Variants in HOMER3 observed in about 807,000 individuals in gnomAD.
The protein encoded by HOMER3 is homer protein homolog 3.
HOMER3 carries 34 observed loss-of-function variants against 45.5 expected under a neutral mutation model. The ratio of observed to expected loss-of-function variants is 0.75; its 90% CI spans 0.57 to 1.00. HOMER3 has a LOEUF of 1.00. HOMER3 is among the 50% of genes least tolerant of loss of function. HOMER3 has a pLI of 0.00. For missense variants in HOMER3, 480 were observed against 497.5 expected, an observed-to-expected ratio of 0.96 and a Z score of 0.33; for synonymous variants, 223 against 208.8, an observed-to-expected ratio of 1.07 and a Z score of -0.58.
rs768589426 is a variant in HOMER3 at position 18,931,317 on chromosome 19, A to C, written c.894+8T>G. ...ACCGTCACCCCACCTCCTTGTGCCC[A>C]CACACACCTGCACCTTCTGCTGAGT... On this transcript the variant is annotated splice_region_variant and intron_variant, in intron 9 of 9. Transcript: ENST00000392351. 2.5e-6 allele frequency: 4 copies of C among 1,612,820 alleles called. No individual in the cohort carries two copies. In the African/African-American group the frequency reaches 4.0e-5, roughly 16 times the overall value.
chr19:18,939,155 C>G (rs916269041), intron 1 of HOMER3, 106 bp from the exon 2 acceptor site: 3 of 636,238 alleles, frequency 4.7e-6, no homozygotes, highest in Non-Finnish European at 5.2e-6. Flanking sequence ...ATGGAACTTT[C>G]AATCAAAAAG....
chr19:18,929,809 T>TTTTG (rs200859659), intron 9 of HOMER3, among the ~76,000 whole-genome samples, 175 bp from the exon 10 acceptor site: 9 of 152,164 alleles, frequency 5.9e-5, no homozygotes, highest in East Asian at 3.9e-4. Flanking sequence ...CCCTCATTTC[T>TTTTG]TTTGTTTGTT....
At chr19:18,933,266 C>T (rs2057058317) in intron 5 of HOMER3, among the ~76,000 whole-genome samples, 1 of 151,768 alleles carries the variant, frequency 6.6e-6, no homozygotes, top group South Asian at 2.1e-4. Context: ...ACCTTGCCTT[C>T]CTGGGCTTTC....
rs1200447277 is a variant in HOMER3 at position 18,929,930 on chromosome 19, C to T, written c.895-296G>A. The stretch of plus-strand genomic sequence containing the variant: ...CCAGGTTCAAGCAATTCTCCTGCCT[C>T]AGCCTCCCAAGTAGCTGGGATTACA... On this transcript the variant is annotated intron_variant, in intron 9 of 9. Transcript: ENST00000392351. Among the ~76,000 whole-genome samples the T allele has an allele frequency of 2.0e-5, 3 of 152,014 alleles. No individual in the cohort carries two copies. The South Asian group carries it at 6.2e-4, about 32-fold the overall frequency.
intron 4 of HOMER3, 89 bp from the exon 5 acceptor site, chr19:18,934,499 G>T: frequency 1.5e-6 from 1 of 669,664 alleles, no homozygotes; most frequent in Non-Finnish European, 2.4e-6. Context: ...CGCCACTTTC[G>T]AACCGTACCC....
In HOMER3 at chr19:18,938,889, G is replaced by T. The variant is rs774707487; in HGVS notation, c.15-5C>A. 1 of 1,604,878 alleles carries T rather than the reference G, an allele frequency of 6.2e-7. No homozygotes were observed. On this transcript the variant is annotated splice_polypyrimidine_tract_variant and splice_region_variant and intron_variant, in intron 2 of 9. Transcript: ENST00000392351. Reference sequence around the variant, plus strand: ...GTGCTGAAGATTGGCTGCTCCCTGCGTGGGGAGAGGGTGTTTGGTGGGGGC... The same window carrying T: ...GTGCTGAAGATTGGCTGCTCCCTGCTTGGGGAGAGGGTGTTTGGTGGGGGC...
intron 7 of HOMER3, 46 bp from the exon 8 acceptor site, chr19:18,931,671 C>G: frequency 6.5e-7 from 1 of 1,543,192 alleles, no homozygotes; most frequent in Non-Finnish European, 8.7e-7. Context: ...CCTGCACTCT[C>G]CCTTGCTCGC....
At chr19:18,932,895 C>T in intron 6 of HOMER3, 29 bp downstream of exon 6, 1 of 1,263,468 alleles carries the variant, frequency 7.9e-7, no homozygotes, top group African/African-American at 1.6e-5. Context: ...ACCCCCGCCC[C>T]TGCCACGCCC....
At chr19:18,932,329 G>C (rs2057044358) in intron 6 of HOMER3, among the ~76,000 whole-genome samples, 197 bp from the exon 7 acceptor site, 1 of 136,404 alleles carries the variant, frequency 7.3e-6, no homozygotes, top group East Asian at 2.5e-4. Flanking sequence ...GCTGGGGGCG[G>C]AGTCAGCGGC....
Position 18,932,952 on chromosome 19 carries a change from C to T in HOMER3, c.505G>A (p.Glu169Lys). 1 of 1,438,448 alleles carries T rather than the reference C, an allele frequency of 7.0e-7. No homozygotes were observed. Among genetic ancestry groups the T allele is most frequent in the Non-Finnish European group, 9.1e-7 (1 of 1,093,008 alleles). The allele number at this position is 1,438,448 out of a possible 1,614,324, so 89.1% of individuals were successfully genotyped here. A position where few individuals can be genotyped will look rare whatever the true frequency, so the allele number is the denominator to read the frequency against. ...TCAGACAACATCTTCTTTAGCCGCT[C>T]GCGCTCTGTGGGGCCGGGGGCATCA... ...SADAPGPTER[E>K]RLKKMLSEGS... The change falls in exon 6 of 10, where the codon GAG (glutamate) becomes AAG (lysine). Residue 169 changes from glutamate (E) to lysine (K), a missense_variant. By Grantham distance (56) the Glu-to-Lys change is moderately conservative. Coordinates refer to ENST00000392351, the MANE Select transcript of HOMER3 (RefSeq NM_004838.4).
At chr19:18,933,182 G>A in intron 5 of HOMER3, 137 bp from the exon 6 acceptor site, 2 of 1,149,992 alleles carry the variant, frequency 1.7e-6, no homozygotes, top group Non-Finnish European at 2.3e-6. Context: ...ATCCAAGTGT[G>A]TCCCTCCCCA....
At position 18,933,055 on chromosome 19, in the gene HOMER3, G is replaced by T; in HGVS notation, c.412-10C>A. 1 of 1,488,830 alleles carries T rather than the reference G, an allele frequency of 6.7e-7. No individual in the cohort carries two copies. Among genetic ancestry groups the T allele is most frequent in the Non-Finnish European group, 8.9e-7 (1 of 1,124,274 alleles). 92.2% of individuals were successfully genotyped at this position (1,488,830 alleles called of 1,614,324 possible). On this transcript the variant is annotated splice_polypyrimidine_tract_variant and intron_variant, in intron 5 of 9. Transcript: ENST00000392351. ...GAGGGCTCGGGGGCACCTAGGCACG[G>T]GGAAAAGAATAGGTCACGACCCCAC... is the stretch of plus-strand genomic sequence containing the variant.
At position 18,929,488 on chromosome 19, in the gene HOMER3, A is replaced by G. The variant is rs756973685; in HGVS notation, c.1041T>C (p.Ser347=). ...QLLDVSLFEL[S]ELREGLARLA... ...GGCGGGCCAGGCCCTCACGCAGCTCACTCAGCTCAAACAGGCTGACGTCCA... is the reference window on the plus strand; with the variant it reads ...GGCGGGCCAGGCCCTCACGCAGCTCGCTCAGCTCAAACAGGCTGACGTCCA... The change falls in exon 10 of 10, where the codon AGT becomes AGC. Residue 347 remains serine (S), a synonymous_variant. Transcript: ENST00000392351. 14 of 1,598,102 alleles carry G rather than the reference A, an allele frequency of 8.8e-6. No individual in the cohort carries two copies. Among genetic ancestry groups the G allele is most frequent in the Admixed American group, 5.1e-5 (3 of 58,624 alleles).
At position 18,930,732 on chromosome 19, in the gene HOMER3, G is replaced by A. The variant is rs546340565; in HGVS notation, c.894+593C>T. 7.3e-5 allele frequency among the ~76,000 whole-genome samples: 11 copies of A among 151,576 alleles called. No homozygotes were observed. The East Asian group carries it at 1.2e-3, about 16-fold the overall frequency. ...TCTACTAAAAACACAAAAAATGCCC[G>A]GGCACGGTGGCGCATGTCTGTAATC... On this transcript the variant is annotated intron_variant, in intron 9 of 9. Coordinates refer to ENST00000392351, the MANE Select transcript of HOMER3 (RefSeq NM_004838.4).
chr19:18,933,108 TG>T, intron 5 of HOMER3, 63 bp from the exon 6 acceptor site: 1 of 1,408,856 alleles, frequency 7.1e-7, no homozygotes, highest in Non-Finnish European at 9.3e-7. Flanking sequence ...CTGATGTGAC[TG>T]GGGTCGTCAC....
intron 4 of HOMER3, 93 bp from the exon 5 acceptor site, chr19:18,934,503 C>A: frequency 1.6e-6 from 1 of 632,512 alleles, no homozygotes; most frequent in South Asian, 2.5e-5. Flanking sequence ...ACTTTCGAAC[C>A]GTACCCATCC....
intron 9 of HOMER3, 70 bp from the exon 10 acceptor site, chr19:18,929,704 C>A: frequency 7.7e-7 from 1 of 1,302,544 alleles, no homozygotes; most frequent in South Asian, 1.5e-5. Context: ...CATCCAGAGT[C>A]TGACCACCTT....
chr19:18,932,936 ATCT>A lies in HOMER3; in HGVS notation c.518_520del (p.Lys173del), dbSNP rs777515085. The A allele has an allele frequency of 2.1e-5, 30 of 1,399,664 alleles. No individual in the cohort carries two copies. The highest frequency in any genetic ancestry group is 2.8e-5 in the Non-Finnish European group (30 of 1,070,912). 86.7% of individuals were successfully genotyped at this position (1,399,664 alleles called of 1,614,324 possible). A position where few individuals can be genotyped will look rare whatever the true frequency, so the allele number is the denominator to read the frequency against. Reference sequence around the variant, plus strand: ...TCCCGCCCCTCACCCCTCAGACAACATCTTCTTTAGCCGCTCGCGCTCTGTGGG... The same window carrying A: ...TCCCGCCCCTCACCCCTCAGACAACATCTTTAGCCGCTCGCGCTCTGTGGG... On this transcript the variant is annotated inframe_deletion, in exon 6 of 10. Coordinates refer to ENST00000392351, the MANE Select transcript of HOMER3 (RefSeq NM_004838.4).
At position 18,941,214 on chromosome 19, in the gene HOMER3, C is replaced by G. The variant is rs1411460777; in HGVS notation, c.-231G>C. 1 of 147,934 alleles carries G rather than the reference C, an allele frequency of 6.8e-6. No individual in the cohort carries two copies. The highest frequency in any genetic ancestry group is 1.5e-5 in the Non-Finnish European group (1 of 66,182). The allele number at this position is 147,934 out of a possible 1,614,324, so 9.2% of individuals were successfully genotyped here. The stretch of plus-strand genomic sequence containing the variant: ...GTGCCTTTGTCTGCGCCGCCGCCGC[C>G]CGCGCCGCCTCCGGTCCCATCGCGG... On this transcript the variant is annotated 5_prime_UTR_variant, in exon 1 of 10. Transcript: ENST00000392351.
Sources: allele counts gnomAD v4.1 joint callset (sites outside exome capture counted in the v4.1 genomes callset), GRCh38; gene constraint gnomAD v4.1.1; transcripts MANE v1.5; gene names NCBI Gene and HGNC (gene_info 2026-07-23, HGNC 2026-07-21).